ST18: variants seen among roughly 807,000 people sequenced by gnomAD.
ST18 encodes the protein ST18 C2H2C-type zinc finger transcription factor.
Under a neutral mutation model 110.0 loss-of-function variants are expected in ST18, and 50 were observed. The ratio of observed to expected loss-of-function variants is 0.45; its 90% CI spans 0.36 to 0.58. The LOEUF (loss-of-function observed/expected upper bound fraction) is 0.58. ST18 is among the 20% of genes least tolerant of loss of function. The pLI is 0.00. For missense variants in ST18, 1,306 were observed against 1,280.1 expected (o/e 1.02, Z -0.31); for synonymous variants, 461 against 452.4 (o/e 1.02, Z -0.24).
rs180908029 is a variant in ST18, at chr8:52,128,832, A to G, written c.2667-2692T>C. ...CATCTTCTGTCAACTGAGGATAATT[A>G]TAATAACTATAGCTCACAGGGTTTT... On this transcript the variant is annotated intron_variant, in intron 22 of 25. Coordinates refer to ENST00000689386, the MANE Select transcript of ST18 (RefSeq NM_001352837.2). Among the ~76,000 whole-genome samples, 364 of 152,288 alleles carry G rather than the reference A, an allele frequency of 2.4e-3. 1 individual carries two copies. Among genetic ancestry groups the G allele is most frequent in the African/African-American group, 8.2e-3 (342 of 41,562 alleles).
intron 15 of ST18, among the ~76,000 whole-genome samples, chr8:52,150,310 A>G (rs1219740249): frequency 1.3e-5 from 2 of 152,136 alleles, no homozygotes; most frequent in African/African-American, 2.4e-5. Context: ...ATACACATAC[A>G]CACACATTTA....
intron 2 of ST18, chr8:52,405,344 T>G (rs928266143): frequency 6.6e-6 from 1 of 152,218 alleles, no homozygotes; most frequent in African/African-American, 2.4e-5. Context: ...GGATTTCAGC[T>G]TAAGAAATTC....
chr8:52,327,175 G>C (rs1806867839), intron 2 of ST18, among the ~76,000 whole-genome samples: 1 of 152,202 alleles, frequency 6.6e-6, no homozygotes. Context: ...TACTGGTCAT[G>C]TACTCATAAG....
intron 2 of ST18, among the ~76,000 whole-genome samples, chr8:52,266,613 C>T (rs1440404198): frequency 2.0e-5 from 3 of 149,598 alleles, no homozygotes; most frequent in Non-Finnish European, 4.4e-5. Context: ...GTGATCTCGG[C>T]TCACTGCAGC....
At chr8:52,170,381 G>A (rs1748775865) in intron 10 of ST18, among the ~76,000 whole-genome samples, 1 of 152,092 alleles carries the variant, frequency 6.6e-6, no homozygotes, top group South Asian at 2.1e-4. Context: ...GAACCTGGGA[G>A]GCAGAGCTTG....
At chr8:52,325,601 T>A (rs576614300) in intron 2 of ST18, among the ~76,000 whole-genome samples, 23 of 152,326 alleles carry the variant, frequency 1.5e-4, no homozygotes, top group South Asian at 2.1e-4. Flanking sequence ...AATGTAATTT[T>A]AAAAAAATGG....
At chr8:52,335,763 C>T (rs1187524510) in intron 2 of ST18, among the ~76,000 whole-genome samples, 1 of 152,082 alleles carries the variant, frequency 6.6e-6, no homozygotes, top group Non-Finnish European at 1.5e-5. Context: ...ACCTTGGAAC[C>T]TTGGGACCTT....
At chr8:52,388,274 C>T (rs1468945769) in intron 2 of ST18, among the ~76,000 whole-genome samples, 3 of 151,928 alleles carry the variant, frequency 2.0e-5, no homozygotes, top group South Asian at 2.1e-4. Flanking sequence ...GCGCTCCGAG[C>T]ACACCTTGAA....
rs2040800034 is a variant in ST18, at chr8:52,112,399, A to T, written c.*799T>A. ...TTGAAAAACAAACAGACAAATCTGC[A>T]TCACTAAAAAGGCTTATGTTTCTTT... On this transcript the variant is annotated 3_prime_UTR_variant, in exon 26 of 26. Transcript: ENST00000689386. 1 of 152,676 alleles carries T rather than the reference A, an allele frequency of 6.5e-6. No homozygotes were observed. Among genetic ancestry groups the T allele is most frequent in the Admixed American group, 6.5e-5 (1 of 15,284 alleles). 9.5% of individuals were successfully genotyped at this position (152,676 alleles called of 1,614,324 possible).
At chr8:52,149,588 C>T (rs2058263069) in intron 16 of ST18, 144 bp downstream of exon 16, 3 of 1,202,676 alleles carry the variant, frequency 2.5e-6, no homozygotes, top group Non-Finnish European at 3.3e-6. Flanking sequence ...CATTAAAAAT[C>T]ACCACTTTAT....
chr8:52,155,377 A>G (rs145172636), intron 15 of ST18, among the ~76,000 whole-genome samples: 3 of 152,288 alleles, frequency 2.0e-5, no homozygotes, highest in African/African-American at 7.2e-5. Flanking sequence ...TATGTTATAT[A>G]TATGTTGGAT....
intron 2 of ST18, among the ~76,000 whole-genome samples, chr8:52,262,089 TC>T (rs2094712209): frequency 1.3e-5 from 2 of 152,142 alleles, no homozygotes; most frequent in South Asian, 2.1e-4. Flanking sequence ...TCTTGCTGTG[TC>T]AAAACATGAT....
chr8:52,194,568 G>C (rs768044875), intron 8 of ST18: 2 of 152,232 alleles, frequency 1.3e-5, no homozygotes, highest in Non-Finnish European at 2.9e-5. Flanking sequence ...GTTGGTGAAA[G>C]CATGCGTCTT....
intron 8 of ST18, chr8:52,210,144 C>T (rs1361389389): frequency 2.2e-6 from 1 of 455,986 alleles, no homozygotes; most frequent in African/African-American, 2.0e-5. Context: ...GAAACCACTC[C>T]AGGGACTGCA....
rs2049933026 is a variant in ST18, at chr8:52,132,174, G to A, written c.2450C>T (p.Pro817Leu). 6.2e-7 allele frequency: 1 copy of A among 1,610,964 alleles called. No homozygotes were observed. The highest frequency in any genetic ancestry group is 8.5e-7 in the Non-Finnish European group (1 of 1,179,100). The change falls in exon 22 of 26, where the codon CCT becomes CTT. Residue 817 changes from proline (P) to leucine (L), a missense_variant. Pro to Leu is a moderately conservative substitution (Grantham distance 98). Coordinates refer to ENST00000689386, the MANE Select transcript of ST18 (RefSeq NM_001352837.2). ...ACCTTGGCCATCACACCCTATCACA[G>A]GACATCTAGAGAGAAAGCAGAGACA... ...EEKEDPELKC[P>L]VIGCDGQGHI...
intron 22 of ST18, among the ~76,000 whole-genome samples, chr8:52,129,030 A>C (rs1323122189): frequency 6.6e-6 from 1 of 151,140 alleles, no homozygotes; most frequent in Non-Finnish European, 1.5e-5. Flanking sequence ...GTTGTGAGTT[A>C]TATTCCAAGT....
chr8:52,214,073 G>T, intron 7 of ST18, 130 bp downstream of exon 7: 1 of 980,898 alleles, frequency 1.0e-6, no homozygotes. Context: ...CAGTGTCCTG[G>T]CTTGATTTGA....
At chr8:52,359,120 G>GAAA (rs34819262) in intron 2 of ST18, among the ~76,000 whole-genome samples, 1 of 149,494 alleles carries the variant, frequency 6.7e-6, no homozygotes, top group Non-Finnish European at 1.5e-5. Flanking sequence ...ATAGAATGGA[G>GAAA]AAAAAAAAAC....
intron 8 of ST18, among the ~76,000 whole-genome samples, chr8:52,189,720 G>A (rs980547139): frequency 3.3e-5 from 5 of 152,294 alleles, no homozygotes; most frequent in South Asian, 2.1e-4. Context: ...CTTATTGTCC[G>A]AGTTGATACC....
Sources: allele counts gnomAD v4.1 joint callset (sites outside exome capture counted in the v4.1 genomes callset), GRCh38; gene constraint gnomAD v4.1.1; transcripts MANE v1.5; gene names NCBI Gene and HGNC (gene_info 2026-07-23, HGNC 2026-07-21).